The following CASP4 variants were observed in gnomAD, a reference collection of about 807,000 sequenced individuals.
The protein encoded by CASP4 is caspase-4.
CASP4 carries 29 observed loss-of-function variants against 41.3 expected under a neutral mutation model. That is an observed-to-expected ratio of 0.70 (90% confidence interval 0.52 to 0.96). The LOEUF (loss-of-function observed/expected upper bound fraction) is 0.96. CASP4 is among the 40% of genes least tolerant of loss of function. The pLI is 0.00. For missense variants in CASP4, 447 were observed against 460.6 expected (o/e 0.97, Z 0.27); for synonymous variants, 185 against 158.4 (o/e 1.17, Z -1.26).
At position 104,949,694 on chromosome 11, in the gene CASP4, A is replaced by T. The variant is rs774460938; in HGVS notation, c.630T>A (p.His210Gln). 7.4e-6 allele frequency: 12 copies of T among 1,613,856 alleles called. No individual in the cohort carries two copies. Among genetic ancestry groups the T allele is most frequent in the Non-Finnish European group, 8.5e-7 (1 of 1,179,908 alleles). Residue 210 changes from histidine (H) to glutamine (Q), a missense_variant, in exon 5 of 9, where the codon CAT becomes CAA. His to Gln is a conservative substitution (Grantham distance 24, BLOSUM62 0). Transcript: ENST00000444739. ...SDSTFLVLMS[H>Q]GILEGICGTV... ...TTCCGCAGATTCCCTCCAGGATGCC[A>T]TGAGACATGAGTACCAAGAATGTGC...
intron 7 of CASP4, among the ~76,000 whole-genome samples, chr11:104,945,252 C>CTT (rs150869769): frequency 0.021 from 3,004 of 142,378 alleles, 126 homozygotes; most frequent in African/African-American, 0.074. Flanking sequence ...TCTTATCTTT[C>CTT]TTTTTTTTTT....
chr11:104,950,823 C>CACACACACACACACACACA, intron 4 of CASP4, 102 bp downstream of exon 4: 2 of 1,056,816 alleles, frequency 1.9e-6, no homozygotes, highest in Non-Finnish European at 2.8e-6. Flanking sequence ...CACACACACA[C>CACACACACACACACACACA]CCAAAGGTTG....
intron 1 of CASP4, among the ~76,000 whole-genome samples, chr11:104,960,127 G>T (rs1366773933): frequency 6.6e-6 from 1 of 152,032 alleles, no homozygotes; most frequent in Admixed American, 6.5e-5. Flanking sequence ...ATTCTATTTA[G>T]GGGTCTCTGT....
At chr11:104,956,693 CT>C in intron 1 of CASP4, 1 of 978,552 alleles carries the variant, frequency 1.0e-6, no homozygotes. Flanking sequence ...ATCACAAAGG[CT>C]TCTGAGAAGA....
At chr11:104,943,627 A>G (rs1860379289) in intron 8 of CASP4, 1 of 152,174 alleles carries the variant, frequency 6.6e-6, no homozygotes, top group African/African-American at 2.4e-5. Flanking sequence ...TCTACTCACT[A>G]GAATATAAGC....
At chr11:104,963,636 G>A (rs918195644) in intron 1 of CASP4, among the ~76,000 whole-genome samples, 1 of 152,218 alleles carries the variant, frequency 6.6e-6, no homozygotes, top group African/African-American at 2.4e-5. Context: ...GGTCAGAGAA[G>A]CATGCTCTGG....
chr11:104,944,645 A>C (rs56252331), intron 8 of CASP4, 103 bp downstream of exon 8: 1 of 724,492 alleles, frequency 1.4e-6, no homozygotes. Flanking sequence ...AAAAACACCA[A>C]TTTGACCATC....
At chr11:104,956,753 CAG>C (rs1453087252) in intron 1 of CASP4, 4 of 408,458 alleles carry the variant, frequency 9.8e-6, no homozygotes, top group African/African-American at 2.2e-5. Flanking sequence ...TGTTGCAACA[CAG>C]TGTGATTTGC....
intron 1 of CASP4, among the ~76,000 whole-genome samples, chr11:104,957,875 T>G (rs192006602): frequency 5.7e-4 from 86 of 151,998 alleles, no homozygotes; most frequent in Middle Eastern, 6.9e-3. Context: ...CATCGCACTA[T>G]CTGAGTTCAA....
chr11:104,956,632 G>T (rs1860743643), intron 1 of CASP4: 1 of 984,376 alleles, frequency 1.0e-6, no homozygotes, highest in Admixed American at 6.2e-5. Context: ...AAAGAATGTA[G>T]ACAAGATATT....
rs753776190 is a variant in CASP4 at position 104,948,519 on chromosome 11, T to A, written c.925+14A>T. On this transcript the variant is annotated intron_variant, in intron 6 of 8. Transcript: ENST00000444739. ...AGGCCCACAAATCCCTTACTGCCAC[T>A]GAAAGATACATACGTGGCGTTGAAG... is the stretch of plus-strand genomic sequence containing the variant. 2 of 1,573,198 alleles carry A rather than the reference T, an allele frequency of 1.3e-6. No homozygotes were observed. The highest frequency in any genetic ancestry group is 1.7e-5 in the Admixed American group (1 of 57,348).
chr11:104,965,901 A>G (rs995519477), intron 1 of CASP4, among the ~76,000 whole-genome samples: 4 of 152,152 alleles, frequency 2.6e-5, no homozygotes, highest in East Asian at 1.9e-4. Flanking sequence ...CACCCAAACC[A>G]GTAATCTAAC....
rs566485354 is a variant in CASP4, at chr11:104,948,458, A to T, written c.925+75T>A. ...TCTATCAGATCATTGTTTCATAGGG[A>T]TTCTTGATTTTCTAGATTCATTCAA... On this transcript the variant is annotated intron_variant, in intron 6 of 8. Coordinates refer to ENST00000444739, the MANE Select transcript of CASP4 (RefSeq NM_001225.4). 5.9e-6 allele frequency: 8 copies of T among 1,366,626 alleles called. No homozygotes were observed. The East Asian group carries it at 1.9e-4, about 32-fold the overall frequency. The allele number at this position is 1,366,626 out of a possible 1,614,324, so 84.7% of individuals were successfully genotyped here.
chr11:104,963,782 C>T (rs1860913687), intron 1 of CASP4, among the ~76,000 whole-genome samples: 1 of 152,188 alleles, frequency 6.6e-6, no homozygotes, highest in Admixed American at 6.5e-5. Flanking sequence ...GCACTGCACT[C>T]TCTTCTCCAG....
In CASP4 at chr11:104,944,656, C is replaced by T. The variant is rs546112888; in HGVS notation, c.*5+92G>A. 15 of 802,350 alleles carry T rather than the reference C, an allele frequency of 1.9e-5. No homozygotes were observed. In the East Asian group the frequency reaches 3.5e-4, roughly 19 times the overall value. The allele number at this position is 802,350 out of a possible 1,614,324, so 49.7% of individuals were successfully genotyped here. Reference sequence around the variant, plus strand: ...CAACAAAAACACCAATTTGACCATCCAAGTACTCAGCTGTCATTTGTCATT... The same window carrying T: ...CAACAAAAACACCAATTTGACCATCTAAGTACTCAGCTGTCATTTGTCATT... On this transcript the variant is annotated intron_variant, in intron 8 of 8. Coordinates refer to ENST00000444739, the MANE Select transcript of CASP4 (RefSeq NM_001225.4).
chr11:104,951,334 T>C (rs1407304204), intron 3 of CASP4: 1 of 365,238 alleles, frequency 2.7e-6, no homozygotes, highest in Non-Finnish European at 4.9e-6. Flanking sequence ...TTCTCCCTTT[T>C]CTTCTTCACC....
At chr11:104,957,875 T>C (rs192006602) in intron 1 of CASP4, among the ~76,000 whole-genome samples, 3 of 151,890 alleles carry the variant, frequency 2.0e-5, no homozygotes, top group Admixed American at 1.3e-4. Context: ...CATCGCACTA[T>C]CTGAGTTCAA....
Position 104,954,910 on chromosome 11 carries a change from A to G in CASP4, c.99T>C (p.Asn33=), listed in dbSNP as rs1321712353. 3.7e-6 allele frequency: 6 copies of G among 1,613,524 alleles called. No homozygotes were observed. Among genetic ancestry groups the G allele is most frequent in the African/African-American group, 1.3e-5 (1 of 74,870 alleles). ...TTTCCTCTTCCTTCCAGTTCAGTAC[A>G]TTTTGTTCCACCAAGTTATCCAAAA... The part of the protein sequence containing the change: ...TGVLDNLVEQ[N]VLNWKEEEKK... The change falls in exon 2 of 9, where the codon AAT becomes AAC. Residue 33 remains asparagine, a synonymous_variant. Transcript: ENST00000444739.
At chr11:104,949,499 G>A in intron 5 of CASP4, 44 bp downstream of exon 5, 1 of 1,586,102 alleles carries the variant, frequency 6.3e-7, no homozygotes. Context: ...ACAATCCTCT[G>A]CATACACCTT....
Sources: allele counts gnomAD v4.1 joint callset (sites outside exome capture counted in the v4.1 genomes callset), GRCh38; gene constraint gnomAD v4.1.1; transcripts MANE v1.5; gene names NCBI Gene and HGNC (gene_info 2026-07-23, HGNC 2026-07-21).